CHP1: variants seen among roughly 807,000 people sequenced by gnomAD.
CHP1 encodes the protein calcineurin like EF-hand protein 1, also known as calcineurin B homologous protein 1.
In CHP1, 11 loss-of-function variants were observed where a neutral mutation model predicts 27.4. The observed-to-expected ratio is 0.40, with a 90% CI of 0.25 to 0.67. CHP1 has a LOEUF of 0.67. CHP1 is among the 30% of genes least tolerant of loss of function. The probability of loss-of-function intolerance (pLI) is 0.38; values close to 1 mark genes in which losing one functional copy is unlikely to be tolerated. For missense variants in CHP1, 169 were observed against 251.3 expected, an observed-to-expected ratio of 0.67 and a Z score of 2.22; for synonymous variants, 89 against 87.4, an observed-to-expected ratio of 1.02 and a Z score of -0.10.
chr15:41,241,529 G>A (rs1297755788), intron 1 of CHP1, among the ~76,000 whole-genome samples: 1 of 152,208 alleles, frequency 6.6e-6, no homozygotes, highest in Non-Finnish European at 1.5e-5. Flanking sequence ...CCTCACAAGT[G>A]TGTACACTTT....
At chr15:41,259,894 C>G (rs2047423578) in intron 3 of CHP1, among the ~76,000 whole-genome samples, 1 of 152,188 alleles carries the variant, frequency 6.6e-6, no homozygotes, top group South Asian at 2.1e-4. Flanking sequence ...GCTGGGACTA[C>G]AGGCTCACGC....
chr15:41,279,194 A>T lies in CHP1; in HGVS notation c.535-142A>T, dbSNP rs975793617. 1.4e-5 allele frequency: 10 copies of T among 693,784 alleles called. No individual in the cohort carries two copies. In the African/African-American group the frequency reaches 1.5e-4, roughly 10 times the overall value. 43.0% of individuals were successfully genotyped at this position (693,784 alleles called of 1,614,324 possible). Reference sequence around the variant, plus strand: ...CCACTGCACTCCAGCCTGGCAACAGAGTGAGACTCTGCCTCCAAAAAAAAA... The same window carrying T: ...CCACTGCACTCCAGCCTGGCAACAGTGTGAGACTCTGCCTCCAAAAAAAAA... On this transcript the variant is annotated intron_variant, in intron 6 of 6. Transcript: ENST00000334660.
intron 5 of CHP1, among the ~76,000 whole-genome samples, chr15:41,273,802 G>A (rs1228143716): frequency 1.3e-5 from 2 of 151,454 alleles, no homozygotes; most frequent in Non-Finnish European, 2.9e-5. Context: ...TAGGCTGGGT[G>A]TGGTGTTTCA....
At chr15:41,251,518 C>T (rs1057472937) in intron 2 of CHP1, among the ~76,000 whole-genome samples, 2 of 152,112 alleles carry the variant, frequency 1.3e-5, no homozygotes, top group Non-Finnish European at 2.9e-5. Context: ...AGTTAGGAAC[C>T]GGGCTACACA....
intron 4 of CHP1, among the ~76,000 whole-genome samples, chr15:41,263,631 T>G (rs1474809723): frequency 6.6e-6 from 1 of 152,188 alleles, no homozygotes; most frequent in African/African-American, 2.4e-5. Flanking sequence ...TCCCAGCACT[T>G]TGGGAGGCCA....
At chr15:41,276,362 G>GC (rs2047519760) in intron 5 of CHP1, among the ~76,000 whole-genome samples, 1 of 152,130 alleles carries the variant, frequency 6.6e-6, no homozygotes, top group African/African-American at 2.4e-5. Flanking sequence ...CTCAGTTCTT[G>GC]CCATCTGAAG....
At position 41,262,764 on chromosome 15, in the gene CHP1, A is replaced by G; in HGVS notation, c.230A>G (p.Gln77Arg). 15 of 1,612,684 alleles carry G rather than the reference A, an allele frequency of 9.3e-6. No homozygotes were observed. Among genetic ancestry groups the G allele is most frequent in the Non-Finnish European group, 1.3e-5 (15 of 1,179,906 alleles). Residue 77 changes from glutamine (Q) to arginine (R), a missense_variant, in exon 4 of 7, where the codon CAG becomes CGG. Coordinates refer to ENST00000334660, the MANE Select transcript of CHP1 (RefSeq NM_007236.5). The stretch of plus-strand genomic sequence containing the variant: ...TTATATTTCACAATCAGAGAGGACC[A>G]GGTAAACTTCCGTGGATTCATGCGA... The part of the protein sequence containing the change: ...INAFFPEGED[Q>R]VNFRGFMRTL...
intron 4 of CHP1, among the ~76,000 whole-genome samples, chr15:41,268,670 G>A (rs1404868036): frequency 4.2e-5 from 6 of 141,338 alleles, no homozygotes; most frequent in African/African-American, 7.9e-5. Context: ...GGCCAGGCGC[G>A]ATGGCTCACG....
At chr15:41,233,219 C>G (rs375007583) in intron 1 of CHP1, among the ~76,000 whole-genome samples, 2 of 152,204 alleles carry the variant, frequency 1.3e-5, no homozygotes, top group East Asian at 3.9e-4. Flanking sequence ...TCTAGGGTGA[C>G]ACCGAATTAA....
rs1466263373 is a variant in CHP1 at position 41,260,134 on chromosome 15, TACCTCA to T, written c.222-2621_222-2616del. The stretch of plus-strand genomic sequence containing the variant: ...TATAGAGCACAGAAGAGAACCTACA[TACCTCA>T]GCTATTCGGTGGGGCACAGAAAGGC... On this transcript the variant is annotated intron_variant, in intron 3 of 6. Coordinates refer to ENST00000334660, the MANE Select transcript of CHP1 (RefSeq NM_007236.5). Among the ~76,000 whole-genome samples, 200 of 151,914 alleles carry T rather than the reference TACCTCA, an allele frequency of 1.3e-3. 1 individual carries two copies. The highest frequency in any genetic ancestry group is 2.2e-4 in the Non-Finnish European group (15 of 67,990).
intron 1 of CHP1, among the ~76,000 whole-genome samples, chr15:41,235,727 TCTAACAGAGTACAAGC>T (rs1488566277): frequency 6.6e-6 from 1 of 152,112 alleles, no homozygotes; most frequent in East Asian, 1.9e-4. Flanking sequence ...ATGATAGAGT[TCTAACAGAGTACAAGC>T]CTGGCAAAGG....
chr15:41,231,558 C>G, intron 1 of CHP1, 109 bp downstream of exon 1: 1 of 1,015,700 alleles, frequency 9.8e-7, no homozygotes, highest in Non-Finnish European at 1.5e-6. Context: ...TTGGGGGGTC[C>G]TGGGCAGCCT....
chr15:41,277,866 A>C (rs959604924), intron 5 of CHP1, among the ~76,000 whole-genome samples: 1 of 150,796 alleles, frequency 6.6e-6, no homozygotes, highest in East Asian at 1.9e-4. Context: ...CTGAGGTGAG[A>C]GGATCACTTG....
At chr15:41,256,692 G>A in intron 2 of CHP1, 3 of 551,402 alleles carry the variant, frequency 5.4e-6, no homozygotes, top group Non-Finnish European at 9.7e-6. Context: ...CTGGAATGTG[G>A]CGTAATCAAA....
intron 1 of CHP1, among the ~76,000 whole-genome samples, 173 bp downstream of exon 1, chr15:41,231,622 G>A (rs1329029072): frequency 6.6e-6 from 1 of 152,060 alleles, no homozygotes; most frequent in Non-Finnish European, 1.5e-5. Flanking sequence ...GCAGCTTCCT[G>A]GAGCGGGGCT....
chr15:41,272,706 C>T (rs2047496481), intron 5 of CHP1, among the ~76,000 whole-genome samples: 1 of 152,092 alleles, frequency 6.6e-6, no homozygotes, highest in Admixed American at 6.6e-5. Flanking sequence ...CAGGCGTGAG[C>T]CACCGTACCC....
chr15:41,265,637 G>T (rs887307054), intron 4 of CHP1, among the ~76,000 whole-genome samples: 3 of 151,694 alleles, frequency 2.0e-5, no homozygotes, highest in Non-Finnish European at 4.4e-5. Flanking sequence ...TTTGAACCTG[G>T]GGGGCAGAGG....
chr15:41,253,746 G>A lies in CHP1; in HGVS notation c.141-3164G>A, dbSNP rs143258548. The stretch of plus-strand genomic sequence containing the variant: ...TGGGATTACAGGTGTGAGCCACTGC[G>A]CCCGGCTGACAAATTATTTTTTATA... On this transcript the variant is annotated intron_variant, in intron 2 of 6. Transcript: ENST00000334660. 4.9e-4 allele frequency among the ~76,000 whole-genome samples: 75 copies of A among 151,802 alleles called. 2 individuals carry two copies. The East Asian group carries it at 0.014, about 28-fold the overall frequency.
At chr15:41,253,599 T>G (rs577574195) in intron 2 of CHP1, among the ~76,000 whole-genome samples, 278 of 150,426 alleles carry the variant, frequency 1.8e-3, no homozygotes, top group African/African-American at 6.3e-3. Context: ...GGACTACAGG[T>G]GCCCGTCACC....
Sources: gnomAD v4.1 joint callset for allele counts (sites outside exome capture counted in the v4.1 genomes callset) on GRCh38, gnomAD v4.1.1 for gene constraint, MANE v1.5 for transcripts, NCBI Gene and HGNC (gene_info 2026-07-23, HGNC 2026-07-21) for gene names.